The following TRIP12 variants were observed in gnomAD, a reference collection of about 807,000 sequenced individuals.
TRIP12 encodes the protein thyroid hormone receptor interactor 12.
TRIP12 carries 25 observed loss-of-function variants against 244.2 expected under a neutral mutation model. That is an observed-to-expected ratio of 0.10 (90% CI 0.07 to 0.14). The LOEUF (loss-of-function observed/expected upper bound fraction) is 0.14, where lower values mean the gene tolerates loss of function less well. Among genes scored for constraint, TRIP12 ranks in the 10% least tolerant of loss-of-function variants. The pLI is 1.00. For synonymous variants in TRIP12, 905 were observed against 873.1 expected (o/e 1.04, Z -0.64); for missense variants, 1,677 against 2,486.4 (o/e 0.67, Z 6.92).
intron 34 of TRIP12, among the ~76,000 whole-genome samples, 189 bp downstream of exon 34, chr2:229,785,568 G>GA (rs1259793749): frequency 2.0e-5 from 3 of 152,026 alleles, no homozygotes; most frequent in South Asian, 2.1e-4. Flanking sequence ...CTTACGCCAG[G>GA]AAAAAAACTG....
At chr2:229,899,056 T>C (rs757490516) in intron 1 of TRIP12, among the ~76,000 whole-genome samples, 16 of 152,158 alleles carry the variant, frequency 1.1e-4, no homozygotes, top group African/African-American at 2.4e-4. Flanking sequence ...CCATTCCTTA[T>C]TGAAGTAAAA....
chr2:229,912,689 T>C (rs140902630), intron 1 of TRIP12, among the ~76,000 whole-genome samples: 3 of 152,340 alleles, frequency 2.0e-5, no homozygotes, highest in Non-Finnish European at 4.4e-5. Context: ...ATCTTGTACT[T>C]AATAACAAAT....
At chr2:229,882,067 G>A (rs2065000029) in intron 1 of TRIP12, among the ~76,000 whole-genome samples, 1 of 152,144 alleles carries the variant, frequency 6.6e-6, no homozygotes, top group South Asian at 2.1e-4. Flanking sequence ...ACATAATCTT[G>A]CATATATGAG....
chr2:229,904,592 GA>G (rs2072138257), intron 1 of TRIP12, among the ~76,000 whole-genome samples: 1 of 152,060 alleles, frequency 6.6e-6, no homozygotes, highest in Admixed American at 6.6e-5. Flanking sequence ...ACAGAGGCTA[GA>G]AGGAAAGACT....
At chr2:229,872,662 T>C (rs1320690154) in intron 2 of TRIP12, among the ~76,000 whole-genome samples, 3 of 152,092 alleles carry the variant, frequency 2.0e-5, no homozygotes, top group South Asian at 2.1e-4. Flanking sequence ...AAGAAAGAAA[T>C]GAACAAAAAT....
At chr2:229,906,792 G>C (rs2072980208) in intron 1 of TRIP12, among the ~76,000 whole-genome samples, 1 of 150,822 alleles carries the variant, frequency 6.6e-6, no homozygotes, top group Non-Finnish European at 1.5e-5. Flanking sequence ...CTTGAAACTA[G>C]GTAAAGAGGA....
intron 9 of TRIP12, among the ~76,000 whole-genome samples, chr2:229,815,744 T>A (rs928809226): frequency 2.0e-5 from 3 of 152,036 alleles, no homozygotes; most frequent in African/African-American, 7.2e-5. Context: ...TAACTTAAAC[T>A]CTTGTGAACA....
intron 9 of TRIP12, among the ~76,000 whole-genome samples, chr2:229,815,534 C>A (rs2048283120): frequency 2.0e-5 from 3 of 152,174 alleles, no homozygotes. Context: ...TGCTAGATAA[C>A]CATCACCTCG....
intron 4 of TRIP12, among the ~76,000 whole-genome samples, chr2:229,855,935 G>A (rs925169479): frequency 2.2e-4 from 33 of 152,150 alleles, no homozygotes; most frequent in Non-Finnish European, 1.0e-4. Context: ...CTACTTGGGA[G>A]GCTGAGGCAC....
chr2:229,833,520 C>CTTGA (rs2053988641), intron 6 of TRIP12, among the ~76,000 whole-genome samples: 1 of 152,138 alleles, frequency 6.6e-6, no homozygotes, highest in African/African-American at 2.4e-5. Context: ...GACTCCTGAA[C>CTTGA]TCAAGTGATC....
chr2:229,921,179 C>G (rs2076472938), intron 1 of TRIP12: 1 of 152,354 alleles, frequency 6.6e-6, no homozygotes. Flanking sequence ...CAACTTCCCA[C>G]GGCTTAAAAA....
chr2:229,797,095 A>G (rs576372334), intron 24 of TRIP12, among the ~76,000 whole-genome samples: 25 of 152,324 alleles, frequency 1.6e-4, no homozygotes, highest in African/African-American at 5.8e-4. Flanking sequence ...ATAAGGGGCT[A>G]TAACACCAGA....
chr2:229,844,700 C>G (rs939883098), intron 4 of TRIP12, among the ~76,000 whole-genome samples: 1 of 151,940 alleles, frequency 6.6e-6, no homozygotes, highest in Admixed American at 6.6e-5. Flanking sequence ...AAAAATCGGG[C>G]AGGGACGAAG....
intron 37 of TRIP12, among the ~76,000 whole-genome samples, chr2:229,774,634 G>T (rs955642662): frequency 6.6e-6 from 1 of 152,070 alleles, no homozygotes; most frequent in Non-Finnish European, 1.5e-5. Context: ...ATCCAATACT[G>T]TATAAGTATA....
At chr2:229,860,935 G>A (rs921622686) in intron 2 of TRIP12, among the ~76,000 whole-genome samples, 6 of 152,034 alleles carry the variant, frequency 3.9e-5, no homozygotes, top group Non-Finnish European at 7.4e-5. Flanking sequence ...AAAAGTTTAC[G>A]GAAAAGACAA....
intron 4 of TRIP12, among the ~76,000 whole-genome samples, chr2:229,848,812 T>C (rs1423776166): frequency 6.6e-6 from 1 of 152,192 alleles, no homozygotes; most frequent in Non-Finnish European, 1.5e-5. Flanking sequence ...CACTATATAA[T>C]TCTTGAAAAT....
At chr2:229,872,104 TAAAAAAAAAAAAAAAAA>T (rs34496202) in intron 2 of TRIP12, among the ~76,000 whole-genome samples, 2 of 105,278 alleles carry the variant, frequency 1.9e-5, no homozygotes, top group South Asian at 6.5e-4. Flanking sequence ...ACAGATATTG[TAAAAAAAAAAAAAAAAA>T]AAAAAAAAAA....
At chr2:229,825,170 C>A (rs568312193) in intron 8 of TRIP12, among the ~76,000 whole-genome samples, 6 of 152,170 alleles carry the variant, frequency 3.9e-5, no homozygotes, top group African/African-American at 1.4e-4. Flanking sequence ...TGGGATAAAG[C>A]AAATGAGTCA....
intron 34 of TRIP12, among the ~76,000 whole-genome samples, chr2:229,780,319 A>G (rs1025399205): frequency 6.6e-6 from 1 of 152,208 alleles, no homozygotes; most frequent in African/African-American, 2.4e-5. Flanking sequence ...AATGCATTCT[A>G]AACTAATTAC....
Sources: allele counts gnomAD v4.1 joint callset (sites outside exome capture counted in the v4.1 genomes callset), GRCh38; gene constraint gnomAD v4.1.1; transcripts MANE v1.5; gene names NCBI Gene and HGNC (gene_info 2026-07-23, HGNC 2026-07-21).